PLCXD3: variants seen among roughly 807,000 people sequenced by gnomAD.
PLCXD3 encodes the protein PI-PLC X domain-containing protein 3.
Under a neutral mutation model 25.5 loss-of-function variants are expected in PLCXD3, and 19 were observed. The observed-to-expected ratio is 0.75, with a 90% CI of 0.52 to 1.09. PLCXD3 has a LOEUF of 1.09. PLCXD3 is among the 50% of genes least tolerant of loss of function. PLCXD3 has a pLI of 0.00. For missense variants in PLCXD3, 411 were observed against 388.1 expected, an observed-to-expected ratio of 1.06 and a Z score of -0.50; for synonymous variants, 174 against 137.6, an observed-to-expected ratio of 1.26 and a Z score of -1.85.
At chr5:41,450,995 C>T (rs1322922288) in intron 1 of PLCXD3, among the ~76,000 whole-genome samples, 1 of 152,098 alleles carries the variant, frequency 6.6e-6, no homozygotes, top group Non-Finnish European at 1.5e-5. Context: ...TGAGAAGACA[C>T]TGGAGTGTCA....
intron 1 of PLCXD3, among the ~76,000 whole-genome samples, chr5:41,488,572 A>G (rs925448852): frequency 1.4e-5 from 2 of 143,420 alleles, no homozygotes; most frequent in African/African-American, 5.5e-5. Flanking sequence ...CTATTTCTCC[A>G]CATCCTCTCC....
At chr5:41,336,691 C>T (rs1191442145) in intron 2 of PLCXD3, among the ~76,000 whole-genome samples, 1 of 152,092 alleles carries the variant, frequency 6.6e-6, no homozygotes, top group Non-Finnish European at 1.5e-5. Flanking sequence ...CACTCAATGC[C>T]ACACATGCTC....
At chr5:41,403,401 G>GTTGTTGTTTTTTTTT in intron 1 of PLCXD3, among the ~76,000 whole-genome samples, 1 of 18,394 alleles carries the variant, frequency 5.4e-5, no homozygotes, top group African/African-American at 1.8e-4. Context: ...CTTATTTGTT[G>GTTGTTGTTTTTTTTT]TTTTTTTTTT....
Position 41,411,945 on chromosome 5 carries a change from CATATATATGTATCCATAT to C in PLCXD3, c.104-29429_104-29412del, listed in dbSNP as rs1229065398. ...ATATATATCTCCATATATATGTATC[CATATATATGTATCCATAT>C]ATATATATGTATCCATATATATCCA... On this transcript the variant is annotated intron_variant, in intron 1 of 2. Coordinates refer to ENST00000377801, the MANE Select transcript of PLCXD3 (RefSeq NM_001005473.3). 5.3e-3 allele frequency among the ~76,000 whole-genome samples: 25 copies of C among 4,688 alleles called. 1 individual carries two copies. Among genetic ancestry groups the C allele is most frequent in the Admixed American group, 0.013 (9 of 710 alleles). The allele number at this position is 4,688 out of a possible 152,430, so 3.1% of individuals were successfully genotyped here.
intron 2 of PLCXD3, among the ~76,000 whole-genome samples, chr5:41,373,168 G>A (rs1182383968): frequency 6.6e-6 from 1 of 152,102 alleles, no homozygotes; most frequent in Non-Finnish European, 1.5e-5. Context: ...AGAGTTAAAT[G>A]GAAATCAATC....
At chr5:41,366,006 A>G (rs916995989) in intron 2 of PLCXD3, among the ~76,000 whole-genome samples, 3 of 151,808 alleles carry the variant, frequency 2.0e-5, no homozygotes, top group Admixed American at 2.0e-4. Flanking sequence ...GGTTTGTTAC[A>G]TATGTATACA....
At chr5:41,342,761 G>A (rs1221601236) in intron 2 of PLCXD3, among the ~76,000 whole-genome samples, 1 of 152,084 alleles carries the variant, frequency 6.6e-6, no homozygotes, top group Non-Finnish European at 1.5e-5. Context: ...TAGTAGAAAA[G>A]GAGGAGCTAA....
At chr5:41,499,949 G>C (rs1054953715) in intron 1 of PLCXD3, among the ~76,000 whole-genome samples, 2 of 151,698 alleles carry the variant, frequency 1.3e-5, no homozygotes, top group Admixed American at 6.6e-5. Context: ...TAATGATTTT[G>C]AGTCCTTATC....
intron 2 of PLCXD3, among the ~76,000 whole-genome samples, chr5:41,322,158 G>T (rs1743491406): frequency 6.6e-6 from 1 of 152,160 alleles, no homozygotes; most frequent in Admixed American, 6.5e-5. Context: ...CAGAATGGGA[G>T]AAAATATCTT....
intron 2 of PLCXD3, among the ~76,000 whole-genome samples, chr5:41,335,000 A>G (rs1226403574): frequency 6.6e-6 from 1 of 152,174 alleles, no homozygotes; most frequent in African/African-American, 2.4e-5. Flanking sequence ...TGTTAATAAG[A>G]TTTCGATTGC....
At chr5:41,382,756 G>T (rs147761598) in intron 1 of PLCXD3, among the ~76,000 whole-genome samples, 15 of 152,098 alleles carry the variant, frequency 9.9e-5, no homozygotes, top group African/African-American at 2.9e-4. Flanking sequence ...ACAATAAGAA[G>T]ATTTCCTTAT....
At chr5:41,335,250 G>T (rs1424423572) in intron 2 of PLCXD3, among the ~76,000 whole-genome samples, 1 of 152,166 alleles carries the variant, frequency 6.6e-6, no homozygotes, top group Non-Finnish European at 1.5e-5. Flanking sequence ...AGAAAGAGCT[G>T]TGATGAAAGG....
At chr5:41,480,604 A>G (rs1748386707) in intron 1 of PLCXD3, among the ~76,000 whole-genome samples, 2 of 151,994 alleles carry the variant, frequency 1.3e-5, no homozygotes, top group South Asian at 4.1e-4. Flanking sequence ...ATTTAAGACA[A>G]TGTCTAGGTC....
At chr5:41,454,655 A>G (rs985370494) in intron 1 of PLCXD3, among the ~76,000 whole-genome samples, 1 of 151,968 alleles carries the variant, frequency 6.6e-6, no homozygotes, top group Non-Finnish European at 1.5e-5. Flanking sequence ...AAACACACAC[A>G]GATTGAAGCA....
chr5:41,440,249 T>TTG (rs1554050229), intron 1 of PLCXD3, among the ~76,000 whole-genome samples: 9 of 100,390 alleles, frequency 9.0e-5, no homozygotes, highest in South Asian at 3.7e-4. Context: ...TTTTTTTTTT[T>TTG]TTAGTCAGAG....
intron 1 of PLCXD3, among the ~76,000 whole-genome samples, chr5:41,506,251 G>A (rs902236143): frequency 7.2e-5 from 11 of 152,186 alleles, no homozygotes; most frequent in Admixed American, 6.5e-5. Context: ...TGGTAAAATA[G>A]CATATATAAC....
intron 2 of PLCXD3, among the ~76,000 whole-genome samples, chr5:41,363,858 A>G (rs1017499416): frequency 2.0e-5 from 3 of 152,256 alleles, no homozygotes; most frequent in African/African-American, 7.2e-5. Flanking sequence ...GTGTCAGTAG[A>G]CACTAAAAAT....
chr5:41,381,576 A>C (rs753682261), intron 2 of PLCXD3, among the ~76,000 whole-genome samples: 13 of 152,110 alleles, frequency 8.5e-5, no homozygotes, highest in Non-Finnish European at 1.6e-4. Context: ...GGAGAGAGGC[A>C]TGAAACAGAT....
intron 1 of PLCXD3, among the ~76,000 whole-genome samples, chr5:41,396,876 C>T (rs1039453557): frequency 3.3e-5 from 5 of 152,154 alleles, no homozygotes; most frequent in South Asian, 4.1e-4. Flanking sequence ...TTGAGAAAGA[C>T]GATTTAAAAT....
Sources: allele counts gnomAD v4.1 joint callset (sites outside exome capture counted in the v4.1 genomes callset), GRCh38; gene constraint gnomAD v4.1.1; transcripts MANE v1.5; gene names NCBI Gene and HGNC (gene_info 2026-07-23, HGNC 2026-07-21).